The following CCSER1 variants were observed in gnomAD, a reference collection of about 807,000 sequenced individuals.
The protein encoded by CCSER1 is serine-rich coiled-coil domain-containing protein 1.
CCSER1 carries 41 observed loss-of-function variants against 82.0 expected under a neutral mutation model. The ratio of observed to expected loss-of-function variants is 0.50; its 90% confidence interval spans 0.39 to 0.65. The LOEUF is 0.65. Ranked by LOEUF, CCSER1 falls within the 30% of genes least tolerant of loss-of-function variation. The pLI is 0.00. For synonymous variants in CCSER1, 414 were observed against 383.9 expected (o/e 1.08, Z -0.92); for missense variants, 1,119 against 1,064.2 (o/e 1.05, Z -0.72).
At chr4:91,459,517 T>A (rs1756382485) in intron 10 of CCSER1, among the ~76,000 whole-genome samples, 1 of 152,124 alleles carries the variant, frequency 6.6e-6, no homozygotes, top group African/African-American at 2.4e-5. Context: ...ACCGAAGAGC[T>A]GTGATATACG....
At chr4:91,553,835 G>T (rs1169596149) in intron 10 of CCSER1, among the ~76,000 whole-genome samples, 3 of 149,168 alleles carry the variant, frequency 2.0e-5, no homozygotes, top group Non-Finnish European at 4.5e-5. Context: ...CTAGCTAAAG[G>T]TTTATCAATT....
chr4:91,335,085 C>T (rs1426402456), intron 10 of CCSER1, among the ~76,000 whole-genome samples: 1 of 151,888 alleles, frequency 6.6e-6, no homozygotes, highest in East Asian at 1.9e-4. Flanking sequence ...TGAGAATAGG[C>T]ATTTCTGAGT....
intron 1 of CCSER1, among the ~76,000 whole-genome samples, chr4:90,160,205 G>A (rs1729173133): frequency 6.6e-6 from 1 of 152,180 alleles, no homozygotes. Flanking sequence ...TGGTGGAGGA[G>A]AGGGAGTAGA....
chr4:90,712,903 C>CTT (rs199959503), intron 6 of CCSER1, among the ~76,000 whole-genome samples: 3 of 133,492 alleles, frequency 2.2e-5, no homozygotes, highest in Non-Finnish European at 3.2e-5. Flanking sequence ...TCCTTCGTCT[C>CTT]TTTTTTTTTT....
intron 10 of CCSER1, among the ~76,000 whole-genome samples, chr4:91,422,388 T>C (rs1753729535): frequency 6.6e-6 from 1 of 152,166 alleles, no homozygotes; most frequent in Non-Finnish European, 1.5e-5. Flanking sequence ...CTTAGACTGA[T>C]CATTTTCTTC....
At chr4:90,878,370 G>C (rs1720690145) in intron 8 of CCSER1, among the ~76,000 whole-genome samples, 1 of 152,052 alleles carries the variant, frequency 6.6e-6, no homozygotes, top group African/African-American at 2.4e-5. Flanking sequence ...TTCCTGCTAA[G>C]TCTTATTATT....
intron 6 of CCSER1, among the ~76,000 whole-genome samples, chr4:90,683,981 G>A (rs1579906765): frequency 6.6e-6 from 1 of 152,038 alleles, no homozygotes; most frequent in East Asian, 1.9e-4. Context: ...TACAAAAGAT[G>A]CCTTCCCATG....
intron 8 of CCSER1, among the ~76,000 whole-genome samples, chr4:90,874,835 C>G (rs928579056): frequency 7.9e-5 from 12 of 152,104 alleles, no homozygotes; most frequent in Admixed American, 7.9e-4. Flanking sequence ...ATCACAAGGT[C>G]AAGAGATCGA....
chr4:90,584,339 G>A (rs1336975110), intron 5 of CCSER1, among the ~76,000 whole-genome samples: 2 of 152,126 alleles, frequency 1.3e-5, no homozygotes, highest in Non-Finnish European at 2.9e-5. Context: ...AAACCACACG[G>A]CAAAGAATGA....
chr4:90,856,974 CTT>C (rs1485219896), intron 8 of CCSER1, among the ~76,000 whole-genome samples: 1 of 150,284 alleles, frequency 6.7e-6, no homozygotes, highest in African/African-American at 2.4e-5. Context: ...TGGTCTTAGA[CTT>C]TTTTTGTTTT....
At chr4:90,586,992 T>C (rs954493839) in intron 5 of CCSER1, among the ~76,000 whole-genome samples, 3 of 152,196 alleles carry the variant, frequency 2.0e-5, no homozygotes. Flanking sequence ...CCTACCATAA[T>C]CACAGGGTTC....
intron 10 of CCSER1, among the ~76,000 whole-genome samples, chr4:91,258,274 C>A (rs1740847272): frequency 6.6e-6 from 1 of 151,974 alleles, no homozygotes; most frequent in African/African-American, 2.4e-5. Flanking sequence ...TTACTTAAGG[C>A]AACCCTTTTA....
chr4:91,359,018 T>C lies in CCSER1; in HGVS notation c.2218-239554T>C, dbSNP rs577732070. 3.3e-5 allele frequency among the ~76,000 whole-genome samples: 5 copies of C among 152,272 alleles called. No homozygotes were observed. In the South Asian group the frequency reaches 8.3e-4, roughly 25 times the overall value. Reference sequence around the variant, plus strand: ...CCGAGTTGTAGAAGGAAGGGCTTTATTCAGCTGGGAGCATCGGCAAGCTAC... The same window carrying C: ...CCGAGTTGTAGAAGGAAGGGCTTTACTCAGCTGGGAGCATCGGCAAGCTAC... On this transcript the variant is annotated intron_variant, in intron 10 of 10. Transcript: ENST00000509176.
intron 6 of CCSER1, among the ~76,000 whole-genome samples, chr4:90,662,486 A>T (rs932047337): frequency 6.6e-6 from 1 of 152,156 alleles, no homozygotes; most frequent in African/African-American, 2.4e-5. Flanking sequence ...TTTTCAAATT[A>T]TAATGTTCTG....
chr4:91,268,314 G>GGGATGTGA (rs1354883511), intron 10 of CCSER1, among the ~76,000 whole-genome samples: 24 of 152,142 alleles, frequency 1.6e-4, no homozygotes, highest in Admixed American at 1.6e-3. Context: ...CATTATTGGG[G>GGGATGTGA]GGATGTGAGG....
At chr4:91,136,166 C>A (rs1455898254) in intron 10 of CCSER1, among the ~76,000 whole-genome samples, 4 of 152,186 alleles carry the variant, frequency 2.6e-5, no homozygotes, top group Non-Finnish European at 5.9e-5. Flanking sequence ...TCACCTACCT[C>A]TATCTCACAT....
chr4:90,968,020 C>T lies in CCSER1; in HGVS notation c.2172+44573C>T, dbSNP rs1303563370. On this transcript the variant is annotated intron_variant, in intron 9 of 10. Transcript: ENST00000509176. ...TTTCTCTAACGGAGAAAACTGAAAG[C>T]GTAGTGAATTCCTACCTTCCTTAAT... Among the ~76,000 whole-genome samples the T allele has an allele frequency of 3.3e-5, 5 of 151,888 alleles. 1 individual carries two copies. The highest frequency in any genetic ancestry group is 9.7e-5 in the African/African-American group (4 of 41,276).
At chr4:90,458,060 A>G (rs1332882214) in intron 4 of CCSER1, among the ~76,000 whole-genome samples, 1 of 152,136 alleles carries the variant, frequency 6.6e-6, no homozygotes, top group Non-Finnish European at 1.5e-5. Context: ...CCAAAATTGG[A>G]GAGGGCACCA....
At chr4:90,906,732 T>A (rs1430163593) in intron 8 of CCSER1, among the ~76,000 whole-genome samples, 1 of 152,084 alleles carries the variant, frequency 6.6e-6, no homozygotes, top group East Asian at 1.9e-4. Flanking sequence ...ATATTCAAGA[T>A]CTCAGTCTCA....
Sources: allele counts gnomAD v4.1 joint callset (sites outside exome capture counted in the v4.1 genomes callset), GRCh38; gene constraint gnomAD v4.1.1; transcripts MANE v1.5; gene names NCBI Gene and HGNC (gene_info 2026-07-23, HGNC 2026-07-21).